Variants in FKBP15 observed in about 807,000 individuals in gnomAD.
FKBP15 encodes the protein FK506-binding protein 15.
Under a neutral mutation model 158.1 loss-of-function variants are expected in FKBP15, and 106 were observed. That is an observed-to-expected ratio of 0.67 (90% CI 0.57 to 0.79). The LOEUF (loss-of-function observed/expected upper bound fraction) is 0.79. Ranked by LOEUF, FKBP15 falls within the 30% of genes least tolerant of loss-of-function variation. The pLI is 0.00. For missense variants in FKBP15, 1,287 were observed against 1,479.1 expected (o/e 0.87, Z 2.13); for synonymous variants, 547 against 548.6 (o/e 1.00, Z 0.04).
chr9:113,178,537 G>A, intron 20 of FKBP15, 93 bp downstream of exon 20: 5 of 1,345,318 alleles, frequency 3.7e-6, no homozygotes, highest in Non-Finnish European at 4.0e-6. Flanking sequence ...AAAACTTCAT[G>A]AGCATCATGC....
intron 21 of FKBP15, among the ~76,000 whole-genome samples, chr9:113,176,093 T>A (rs1830295406): frequency 6.6e-6 from 1 of 152,168 alleles, no homozygotes; most frequent in Non-Finnish European, 1.5e-5. Context: ...CTTAAAATAA[T>A]GAAAAAATAA....
At chr9:113,170,048 C>T in intron 25 of FKBP15, 106 bp from the exon 26 acceptor site, 3 of 1,393,180 alleles carry the variant, frequency 2.2e-6, no homozygotes, top group Non-Finnish European at 1.9e-6. Context: ...TTGCTTCTTT[C>T]CTGTTAAAAG....
chr9:113,205,478 C>A (rs1435275354), intron 4 of FKBP15, among the ~76,000 whole-genome samples: 1 of 152,102 alleles, frequency 6.6e-6, no homozygotes, highest in Non-Finnish European at 1.5e-5. Context: ...CATTCCACAC[C>A]TACTAGAATG....
At chr9:113,185,830 A>G (rs894033660) in intron 15 of FKBP15, among the ~76,000 whole-genome samples, 2 of 152,208 alleles carry the variant, frequency 1.3e-5, no homozygotes, top group Non-Finnish European at 2.9e-5. Context: ...AGTAGCTTTC[A>G]TTAGAGATAC....
intron 23 of FKBP15, among the ~76,000 whole-genome samples, chr9:113,172,729 C>A (rs1016175460): frequency 6.6e-6 from 1 of 152,220 alleles, no homozygotes; most frequent in Non-Finnish European, 1.5e-5. Context: ...GTCATTTAGA[C>A]ATAAACATTC....
At position 113,161,862 on chromosome 9, in the gene FKBP15, A is replaced by G; in HGVS notation, c.*4216T>C. On this transcript the variant is annotated 3_prime_UTR_variant, in exon 28 of 28. Transcript: ENST00000238256. Reference sequence around the variant, plus strand: ...CACATAGCCAAGTGAACTAGAGCTCATGTCTCCTGATGCCCAGGCCAAAGC... The same window carrying G: ...CACATAGCCAAGTGAACTAGAGCTCGTGTCTCCTGATGCCCAGGCCAAAGC... 1.3e-6 allele frequency: 1 copy of G among 751,458 alleles called. No individual in the cohort carries two copies. Among genetic ancestry groups the G allele is most frequent in the South Asian group, 1.5e-5 (1 of 67,822 alleles). 46.5% of individuals were successfully genotyped at this position (751,458 alleles called of 1,614,324 possible). A position where few individuals can be genotyped will look rare whatever the true frequency, so the allele number is the denominator to read the frequency against.
At position 113,194,829 on chromosome 9, in the gene FKBP15, A is replaced by C. The variant is rs143048056; in HGVS notation, c.865-660T>G. On this transcript the variant is annotated intron_variant, in intron 9 of 27. Coordinates refer to ENST00000238256, the MANE Select transcript of FKBP15 (RefSeq NM_015258.2). Reference sequence around the variant, plus strand: ...TATGATCTATAGGAAAAAGTATCCAAAGGATTTTAGGAACTAAAGTCATAA... The same window carrying C: ...TATGATCTATAGGAAAAAGTATCCACAGGATTTTAGGAACTAAAGTCATAA... Among the ~76,000 whole-genome samples the C allele has an allele frequency of 4.9e-3, 744 of 152,338 alleles. 7 individuals are homozygous for C. Among genetic ancestry groups the C allele is most frequent in the African/African-American group, 0.017 (708 of 41,566 alleles).
intron 7 of FKBP15, 101 bp from the exon 8 acceptor site, chr9:113,199,024 A>G: frequency 2.6e-6 from 2 of 772,932 alleles, no homozygotes; most frequent in Non-Finnish European, 4.4e-6. Context: ...CTTCTGGAAT[A>G]GGGAATGTCA....
chr9:113,190,134 C>T (rs17762660), intron 12 of FKBP15, among the ~76,000 whole-genome samples: 6,720 of 152,284 alleles, frequency 0.044, 200 homozygotes, highest in Non-Finnish European at 0.068. Flanking sequence ...TCTAAACATT[C>T]GCTCAATAAA....
intron 4 of FKBP15, among the ~76,000 whole-genome samples, 154 bp from the exon 5 acceptor site, chr9:113,203,189 T>C (rs1200313802): frequency 6.6e-6 from 1 of 152,232 alleles, no homozygotes. Context: ...GCTTCAACTT[T>C]AAATTTTATC....
chr9:113,205,802 G>T (rs1830874536), intron 4 of FKBP15, among the ~76,000 whole-genome samples: 1 of 152,100 alleles, frequency 6.6e-6, no homozygotes, highest in Admixed American at 6.6e-5. Flanking sequence ...TAAACAAAAT[G>T]TGGTATATAC....
intron 25 of FKBP15, among the ~76,000 whole-genome samples, chr9:113,170,144 G>A (rs1391677493): frequency 2.0e-5 from 3 of 151,500 alleles, no homozygotes; most frequent in African/African-American, 7.3e-5. Flanking sequence ...TTTCTTTGGA[G>A]ACAGGGTCTT....
chr9:113,176,437 T>G (rs1209830940), intron 21 of FKBP15, 100 bp downstream of exon 21: 22 of 1,318,892 alleles, frequency 1.7e-5, no homozygotes. Flanking sequence ...CTATATTATT[T>G]GTATTTGTTA....
rs1050917779 is a variant in FKBP15 at position 113,207,335 on chromosome 9, T to C, written c.170-39A>G. 2.0e-6 allele frequency: 3 copies of C among 1,493,332 alleles called. No individual in the cohort carries two copies. The African/African-American group carries it at 5.7e-5, about 29-fold the overall frequency. 92.5% of individuals were successfully genotyped at this position (1,493,332 alleles called of 1,614,324 possible). Reference sequence around the variant, plus strand: ...AGAAAACAAAGTTGTCATTCACTTCTTGCTTTAAACTAATTTTTTTTAAAG... The same window carrying C: ...AGAAAACAAAGTTGTCATTCACTTCCTGCTTTAAACTAATTTTTTTTAAAG... On this transcript the variant is annotated intron_variant, in intron 2 of 27. Transcript: ENST00000238256.
chr9:113,171,515 A>T (rs887799282), intron 24 of FKBP15, 66 bp downstream of exon 24: 2 of 1,553,556 alleles, frequency 1.3e-6, no homozygotes, highest in Admixed American at 3.8e-5. Flanking sequence ...AACACAACAT[A>T]CTGGCCATGT....
At chr9:113,182,048 C>T (rs187565184) in intron 19 of FKBP15, among the ~76,000 whole-genome samples, 15 of 152,238 alleles carry the variant, frequency 9.9e-5, no homozygotes, top group Non-Finnish European at 1.9e-4. Context: ...GTAAGGAATC[C>T]TCATTACAGA....
Position 113,169,271 on chromosome 9 carries a change from T to A in FKBP15, c.3438A>T (p.Thr1146=), listed in dbSNP as rs1320512302. The A allele has an allele frequency of 2.5e-6, 4 of 1,614,026 alleles. No homozygotes were observed. Among genetic ancestry groups the A allele is most frequent in the Non-Finnish European group, 3.4e-6 (4 of 1,179,882 alleles). The change falls in exon 26 of 28, where the codon ACA becomes ACT. Residue 1146 remains threonine, a synonymous_variant. Coordinates refer to ENST00000238256, the MANE Select transcript of FKBP15 (RefSeq NM_015258.2). ...KELSSTEAGS[T]VAGAALRPSH... Reference sequence around the variant, plus strand: ...TGGGTCTGAGGGCTGCTCCTGCAACTGTGGAACCTGCCTCTGTGCTTGACA... The same window carrying A: ...TGGGTCTGAGGGCTGCTCCTGCAACAGTGGAACCTGCCTCTGTGCTTGACA...
At chr9:113,189,148 T>C (rs1830532810) in intron 12 of FKBP15, among the ~76,000 whole-genome samples, 2 of 152,222 alleles carry the variant, frequency 1.3e-5, no homozygotes, top group Non-Finnish European at 2.9e-5. Context: ...TCTGCTATGC[T>C]ATAGTTCAAA....
Position 113,183,813 on chromosome 9 carries a change from T to C in FKBP15, c.1749A>G (p.Glu583=). 6.2e-7 allele frequency: 1 copy of C among 1,613,524 alleles called. No homozygotes were observed. Among genetic ancestry groups the C allele is most frequent in the Non-Finnish European group, 8.5e-7 (1 of 1,179,592 alleles). Residue 583 remains glutamate (E), a synonymous_variant, in exon 18 of 28, where the codon GAA becomes GAG. Transcript: ENST00000238256. Reference sequence around the variant, plus strand: ...TCTGTTCTTCTATCCGATTGCTCTTTTCAAGGATCTCTTGCTTCAATCTTT... The same window carrying C: ...TCTGTTCTTCTATCCGATTGCTCTTCTCAAGGATCTCTTGCTTCAATCTTT... ...ENERLKQEIL[E]KSNRIEEQND...
Sources: allele counts gnomAD v4.1 joint callset (sites outside exome capture counted in the v4.1 genomes callset), GRCh38; gene constraint gnomAD v4.1.1; transcripts MANE v1.5; gene names NCBI Gene and HGNC (gene_info 2026-07-23, HGNC 2026-07-21).